ATP10A: variants seen among roughly 807,000 people sequenced by gnomAD.
ATP10A encodes ATPase phospholipid transporting 10A (putative).
In ATP10A, 111 loss-of-function variants were observed where a neutral mutation model predicts 147.8. That is an observed-to-expected ratio of 0.75 (90% CI 0.64 to 0.88). The LOEUF is 0.88. Ranked by LOEUF, ATP10A falls within the 40% of genes least tolerant of loss-of-function variation. The probability of loss-of-function intolerance (pLI) is 0.00; values close to 1 mark genes in which losing one functional copy is unlikely to be tolerated. For missense variants in ATP10A, 1,927 were observed against 1,959.0 expected, an observed-to-expected ratio of 0.98 and a Z score of 0.31; for synonymous variants, 875 against 841.6, an observed-to-expected ratio of 1.04 and a Z score of -0.69.
Position 25,754,033 on chromosome 15 carries a change from C to T in ATP10A, c.655-17892G>A, listed in dbSNP as rs915282394. Among the ~76,000 whole-genome samples the T allele has an allele frequency of 2.6e-5, 4 of 152,186 alleles. No individual in the cohort carries two copies. The South Asian group carries it at 6.2e-4, about 24-fold the overall frequency. On this transcript the variant is annotated intron_variant, in intron 2 of 20. Coordinates refer to ENST00000555815, the MANE Select transcript of ATP10A (RefSeq NM_024490.4). ...TAGGCTGGTCTCAAACTGTTGGCCTCAAGCAATCCTCCTGCATCGGCCTCC... is the reference window on the plus strand; with the variant it reads ...TAGGCTGGTCTCAAACTGTTGGCCTTAAGCAATCCTCCTGCATCGGCCTCC...
intron 1 of ATP10A, among the ~76,000 whole-genome samples, chr15:25,825,798 T>A (rs1233130498): frequency 1.3e-5 from 2 of 151,734 alleles, no homozygotes; most frequent in Non-Finnish European, 2.9e-5. Context: ...AACAAAAAAA[T>A]TATGAGACAT....
chr15:25,789,834 C>G (rs531504105), intron 1 of ATP10A, among the ~76,000 whole-genome samples: 17 of 152,236 alleles, frequency 1.1e-4, no homozygotes, highest in African/African-American at 4.1e-4. Context: ...CCCCAGCCTC[C>G]TCCTATAGAT....
chr15:25,813,886 C>T (rs1294127398), intron 1 of ATP10A, among the ~76,000 whole-genome samples: 1 of 151,610 alleles, frequency 6.6e-6, no homozygotes, highest in African/African-American at 2.4e-5. Context: ...AAAAGTACAT[C>T]AGTAATCTAT....
intron 1 of ATP10A, among the ~76,000 whole-genome samples, chr15:25,789,447 A>T (rs1890310020): frequency 1.3e-5 from 2 of 152,158 alleles, no homozygotes; most frequent in South Asian, 4.1e-4. Context: ...CCTAAATGGG[A>T]GGATCACCAC....
In ATP10A at chr15:25,727,241, C is replaced by T. The variant is rs1270957140; in HGVS notation, c.766G>A (p.Gly256Arg). Residue 256 changes from glycine (G) to arginine (R), a missense_variant, in exon 4 of 21, where the codon GGG becomes AGG. Transcript: ENST00000555815. The stretch of plus-strand genomic sequence containing the variant: ...AGCAGCAGGTTTTCTTTATACAGCC[C>T]GGCCTTTTTCCCGTTGTCATGTATG... ...CIIHDNGKKA[G>R]LYKENLLLRG... The T allele has an allele frequency of 5.6e-6, 9 of 1,613,906 alleles. No homozygotes were observed. The highest frequency in any genetic ancestry group is 3.3e-5 in the South Asian group (3 of 91,062).
intron 1 of ATP10A, among the ~76,000 whole-genome samples, chr15:25,820,261 G>C (rs2140842271): frequency 6.6e-6 from 1 of 152,306 alleles, no homozygotes; most frequent in Admixed American, 6.5e-5. Flanking sequence ...TTTGTCCACG[G>C]AAGGTAGGTC....
chr15:25,738,358 AG>A (rs1362596752), intron 2 of ATP10A: 2 of 152,348 alleles, frequency 1.3e-5, no homozygotes, highest in East Asian at 3.8e-4. Context: ...GCAGATATCC[AG>A]CTAGGGAAGA....
At chr15:25,794,580 C>T (rs1890577708) in intron 1 of ATP10A, among the ~76,000 whole-genome samples, 2 of 152,166 alleles carry the variant, frequency 1.3e-5, no homozygotes, top group Non-Finnish European at 2.9e-5. Flanking sequence ...GACATGATTT[C>T]CCTGGGCACA....
chr15:25,765,863 C>T (rs1162519147), intron 2 of ATP10A, among the ~76,000 whole-genome samples: 3 of 152,202 alleles, frequency 2.0e-5, no homozygotes, highest in Non-Finnish European at 2.9e-5. Flanking sequence ...GTGCTGAGGG[C>T]GGCCACCCTT....
chr15:25,799,085 G>A (rs1340588484), intron 1 of ATP10A, among the ~76,000 whole-genome samples: 2 of 152,116 alleles, frequency 1.3e-5, no homozygotes, highest in East Asian at 1.9e-4. Context: ...TTGGTACAGG[G>A]GCATCACTAG....
chr15:25,727,695 G>C (rs1203663254), intron 3 of ATP10A, among the ~76,000 whole-genome samples: 1 of 152,226 alleles, frequency 6.6e-6, no homozygotes, highest in Non-Finnish European at 1.5e-5. Context: ...TTCTACAAAA[G>C]GGGACGATAT....
At chr15:25,862,399 C>G (rs371001985) in intron 1 of ATP10A, 6 of 658,016 alleles carry the variant, frequency 9.1e-6, no homozygotes, top group Middle Eastern at 3.1e-4. Context: ...GGCCCCGACA[C>G]GGAGTGACAG....
At chr15:25,829,880 G>A (rs1232174300) in intron 1 of ATP10A, among the ~76,000 whole-genome samples, 1 of 152,196 alleles carries the variant, frequency 6.6e-6, no homozygotes, top group Non-Finnish European at 1.5e-5. Context: ...CTCACTCCCA[G>A]GGAAGGGAAG....
intron 1 of ATP10A, among the ~76,000 whole-genome samples, chr15:25,824,834 C>T (rs1892051624): frequency 1.3e-5 from 2 of 152,292 alleles, no homozygotes; most frequent in South Asian, 4.1e-4. Context: ...GTATTTCCTA[C>T]TCTCCTCACT....
chr15:25,862,968 G>T lies in ATP10A; in HGVS notation c.129C>A (p.Gly43=). The T allele has an allele frequency of 6.6e-7, 1 of 1,517,864 alleles. No homozygotes were observed. The highest frequency in any genetic ancestry group is 8.8e-7 in the Non-Finnish European group (1 of 1,139,968). The allele number at this position is 1,517,864 out of a possible 1,614,324, so 94.0% of individuals were successfully genotyped here. Residue 43 remains glycine (G), a synonymous_variant, in exon 1 of 21, where the codon GGC becomes GGA. Coordinates refer to ENST00000555815, the MANE Select transcript of ATP10A (RefSeq NM_024490.4). ...GCCGTCGCCGCTCGCCCTTGGCCGC[G>T]CCAGCCGCAGGGTCCTCGGCGCCCG... ...PPPGAEDPAA[G]AAKGERRRRR...
intron 2 of ATP10A, among the ~76,000 whole-genome samples, chr15:25,778,062 G>C (rs1889709194): frequency 1.3e-5 from 2 of 151,994 alleles, no homozygotes; most frequent in Non-Finnish European, 2.9e-5. Context: ...ATTGAATCAT[G>C]TGTGGTTTCT....
intron 1 of ATP10A, among the ~76,000 whole-genome samples, chr15:25,784,245 A>G (rs1890056503): frequency 6.6e-6 from 1 of 152,144 alleles, no homozygotes; most frequent in African/African-American, 2.4e-5. Context: ...ATGCCCAAGC[A>G]TCGGCGGGGC....
intron 1 of ATP10A, among the ~76,000 whole-genome samples, chr15:25,796,928 A>G (rs1484171808): frequency 2.6e-5 from 4 of 152,262 alleles, no homozygotes; most frequent in Admixed American, 6.5e-5. Context: ...ATACATGTAT[A>G]CACTGTGGTA....
At chr15:25,676,052 C>T (rs2140262711), downstream of ATP10A, among the ~76,000 whole-genome samples, 1 of 152,306 alleles carries the variant, frequency 6.6e-6, no homozygotes, top group Non-Finnish European at 1.5e-5. Context: ...ACAAATGTGC[C>T]CTCACCCTGA....
Sources: allele counts gnomAD v4.1 joint callset (sites outside exome capture counted in the v4.1 genomes callset), GRCh38; gene constraint gnomAD v4.1.1; transcripts MANE v1.5; gene names NCBI Gene and HGNC (gene_info 2026-07-23, HGNC 2026-07-21).